The following RHOJ variants were observed in gnomAD, a reference collection of about 807,000 sequenced individuals.
RHOJ encodes the protein ras homolog family member J.
Under a neutral mutation model 23.4 loss-of-function variants are expected in RHOJ, and 11 were observed. The ratio of observed to expected loss-of-function variants is 0.47; its 90% CI spans 0.30 to 0.78. RHOJ has a LOEUF of 0.78. RHOJ is among the 30% of genes least tolerant of loss of function. The pLI is 0.08. For missense variants in RHOJ, 254 were observed against 273.4 expected, an observed-to-expected ratio of 0.93 and a Z score of 0.50; for synonymous variants, 102 against 102.7, an observed-to-expected ratio of 0.99 and a Z score of 0.04.
rs1253338222 is a variant in RHOJ at position 63,250,761 on chromosome 14, C to T, written c.179-18349C>T. Among the ~76,000 whole-genome samples the T allele has an allele frequency of 2.6e-5, 4 of 152,236 alleles. 1 individual carries two copies. Among genetic ancestry groups the T allele is most frequent in the Middle Eastern group, 6.8e-3 (2 of 294 alleles). ...AAAGTGAGCCTCTAGAGGCTGGGTGCGGTGGCTCACACCTGTAATTCCAGC... is the reference window on the plus strand; with the variant it reads ...AAAGTGAGCCTCTAGAGGCTGGGTGTGGTGGCTCACACCTGTAATTCCAGC... On this transcript the variant is annotated intron_variant, in intron 1 of 4. Coordinates refer to ENST00000316754, the MANE Select transcript of RHOJ (RefSeq NM_020663.5).
At chr14:63,209,030 TC>T (rs1894174533) in intron 1 of RHOJ, among the ~76,000 whole-genome samples, 2 of 152,062 alleles carry the variant, frequency 1.3e-5, no homozygotes, top group South Asian at 4.1e-4. Context: ...AACATTCCCC[TC>T]CCTTTCCATT....
At chr14:63,255,940 C>G (rs1420639101) in intron 1 of RHOJ, among the ~76,000 whole-genome samples, 1 of 152,058 alleles carries the variant, frequency 6.6e-6, no homozygotes, top group Non-Finnish European at 1.5e-5. Context: ...CCAGTAGTAG[C>G]TCACTGCAGT....
chr14:63,235,208 C>CAA (rs749310199), intron 1 of RHOJ, among the ~76,000 whole-genome samples: 2 of 129,532 alleles, frequency 1.5e-5, no homozygotes, highest in Non-Finnish European at 3.3e-5. Context: ...TCCTGGACTC[C>CAA]AAAAAAAAAA....
At chr14:63,289,586 T>A (rs912995010) in intron 4 of RHOJ, among the ~76,000 whole-genome samples, 5 of 152,234 alleles carry the variant, frequency 3.3e-5, no homozygotes. Flanking sequence ...CATCACATCA[T>A]TGACTCTTCC....
In RHOJ at chr14:63,220,236, T is replaced by A. The variant is rs899492508; in HGVS notation, c.178+15189T>A. ...TTCTTCAAGGACAAGGTTTTTTTAA[T>A]CCCCATTCTTTGTTCTGCTAGGATT... On this transcript the variant is annotated intron_variant, in intron 1 of 4. Coordinates refer to ENST00000316754, the MANE Select transcript of RHOJ (RefSeq NM_020663.5). 3.3e-5 allele frequency among the ~76,000 whole-genome samples: 5 copies of A among 152,250 alleles called. No homozygotes were observed. The East Asian group carries it at 9.6e-4, about 29-fold the overall frequency.
In RHOJ at chr14:63,283,130, C is replaced by T. The variant is rs1459855570; in HGVS notation, c.412C>T (p.Arg138Cys). The change falls in exon 4 of 5, where the codon CGT becomes TGT. Residue 138 changes from arginine (R) to cysteine (C), a missense_variant. Coordinates refer to ENST00000316754, the MANE Select transcript of RHOJ (RefSeq NM_020663.5). ...TGTGTTTTCTTGCCAGATTGATCTCCGTGATGACCCAAAAACCTTGGCCCG... is the reference window on the plus strand; with the variant it reads ...TGTGTTTTCTTGCCAGATTGATCTCTGTGATGACCCAAAAACCTTGGCCCG... The part of the protein sequence containing the change: ...YVLIGTQIDL[R>C]DDPKTLARLL... 3.1e-6 allele frequency: 5 copies of T among 1,613,450 alleles called. No individual in the cohort carries two copies. Among genetic ancestry groups the T allele is most frequent in the Admixed American group, 3.3e-5 (2 of 59,986 alleles).
intron 4 of RHOJ, among the ~76,000 whole-genome samples, chr14:63,284,975 C>T (rs1463183626): frequency 6.6e-6 from 1 of 152,220 alleles, no homozygotes; most frequent in Non-Finnish European, 1.5e-5. Flanking sequence ...CAGACGGAAT[C>T]ATGTTTAGCT....
chr14:63,209,264 A>G (rs1269072207), intron 1 of RHOJ, among the ~76,000 whole-genome samples: 2 of 151,996 alleles, frequency 1.3e-5, no homozygotes, highest in Non-Finnish European at 2.9e-5. Context: ...CCAAACCCCA[A>G]CTTCTCCAAT....
intron 1 of RHOJ, among the ~76,000 whole-genome samples, chr14:63,262,709 C>T (rs1191861764): frequency 3.9e-5 from 6 of 152,188 alleles, no homozygotes; most frequent in Non-Finnish European, 7.3e-5. Context: ...CCGTACATTT[C>T]GAAGAACTTT....
chr14:63,224,147 T>C (rs1412162533), intron 1 of RHOJ, among the ~76,000 whole-genome samples: 1 of 152,220 alleles, frequency 6.6e-6, no homozygotes, highest in Non-Finnish European at 1.5e-5. Flanking sequence ...TTATGAGTAA[T>C]AAATCACTTA....
intron 2 of RHOJ, among the ~76,000 whole-genome samples, chr14:63,269,554 T>A (rs1051902218): frequency 1.3e-5 from 2 of 152,160 alleles, no homozygotes; most frequent in Admixed American, 1.3e-4. Context: ...TGCCCACGCT[T>A]TATTTGAATT....
intron 4 of RHOJ, among the ~76,000 whole-genome samples, 193 bp from the exon 5 acceptor site, chr14:63,290,685 C>CAA (rs199653989): frequency 7.9e-4 from 43 of 54,566 alleles, no homozygotes; most frequent in South Asian, 7.7e-3. Flanking sequence ...TACAAAAATA[C>CAA]AAAAAAAAAA....
chr14:63,292,677 C>G lies in RHOJ; in HGVS notation c.*1653C>G, dbSNP rs1358109714. On this transcript the variant is annotated 3_prime_UTR_variant, in exon 5 of 5. Coordinates refer to ENST00000316754, the MANE Select transcript of RHOJ (RefSeq NM_020663.5). ...TAAGAATTGCGTGATAGCCAGGCAC[C>G]GTGGCTCATGCCTGTAATCCCAACA... 5.9e-5 allele frequency: 9 copies of G among 152,082 alleles called. No homozygotes were observed. 9.4% of individuals were successfully genotyped at this position (152,082 alleles called of 1,614,324 possible). A position where few individuals can be genotyped will look rare whatever the true frequency, so the allele number is the denominator to read the frequency against.
chr14:63,204,932 G>A lies in RHOJ; in HGVS notation c.63G>A (p.Met21Ile), dbSNP rs375624310. The A allele has an allele frequency of 6.2e-6, 10 of 1,614,116 alleles. No individual in the cohort carries two copies. The highest frequency in any genetic ancestry group is 8.5e-7 in the Non-Finnish European group (1 of 1,180,050). The change falls in exon 1 of 5, where the codon ATG (methionine) becomes ATA (isoleucine). Residue 21 changes from methionine to isoleucine, a missense_variant. Met to Ile is a conservative substitution (Grantham distance 10, BLOSUM62 1). Transcript: ENST00000316754. ...CGCRGNDEKK[M>I]LKCVVVGDGA... ...GCAGGGGCAACGACGAGAAGAAGAT[G>A]TTGAAGTGTGTGGTGGTGGGGGACG...
intron 4 of RHOJ, 69 bp from the exon 5 acceptor site, chr14:63,290,809 A>C: frequency 3.4e-6 from 5 of 1,471,068 alleles, no homozygotes. Flanking sequence ...TTGTCTGGGC[A>C]GTGAGTTGAT....
intron 1 of RHOJ, among the ~76,000 whole-genome samples, chr14:63,256,801 T>G (rs1297913258): frequency 6.6e-6 from 1 of 152,032 alleles, no homozygotes; most frequent in East Asian, 1.9e-4. Flanking sequence ...TGGCCAGGCG[T>G]GGTGGCTCAC....
intron 1 of RHOJ, among the ~76,000 whole-genome samples, chr14:63,207,203 T>C (rs1232968131): frequency 1.3e-5 from 2 of 152,028 alleles, no homozygotes; most frequent in Non-Finnish European, 2.9e-5. Context: ...GGCTAATTTT[T>C]GTATTTTTAG....
intron 4 of RHOJ, among the ~76,000 whole-genome samples, chr14:63,284,814 C>T (rs1459734135): frequency 6.6e-6 from 1 of 152,192 alleles, no homozygotes; most frequent in Non-Finnish European, 1.5e-5. Flanking sequence ...TTCCTAGCCT[C>T]ACTTCTCATT....
rs1160177509 is a variant in RHOJ, at chr14:63,211,301, CT to C, written c.178+6258del. Among the ~76,000 whole-genome samples the C allele has an allele frequency of 7.9e-5, 12 of 152,262 alleles. No individual in the cohort carries two copies. In the East Asian group the frequency reaches 1.5e-3, roughly 20 times the overall value. On this transcript the variant is annotated intron_variant, in intron 1 of 4. Coordinates refer to ENST00000316754, the MANE Select transcript of RHOJ (RefSeq NM_020663.5). Reference sequence around the variant, plus strand: ...TGGGAAAATTTATTCATAAGTTTCTCTTTTGCTCTTTCTGAAGACACCCGAG... The same window carrying C: ...TGGGAAAATTTATTCATAAGTTTCTCTTTGCTCTTTCTGAAGACACCCGAG...
Sources: allele counts gnomAD v4.1 joint callset (sites outside exome capture counted in the v4.1 genomes callset), GRCh38; gene constraint gnomAD v4.1.1; transcripts MANE v1.5; gene names NCBI Gene and HGNC (gene_info 2026-07-23, HGNC 2026-07-21).